SNRK: variants seen among roughly 807,000 people sequenced by gnomAD.
SNRK encodes SNF-related serine/threonine-protein kinase.
In SNRK, 3 loss-of-function variants were observed where a neutral mutation model predicts 48.2. That is an observed-to-expected ratio of 0.06 (90% CI 0.03 to 0.16). SNRK has a LOEUF of 0.16. Among genes scored for constraint, SNRK ranks in the 10% least tolerant of loss-of-function variants. The pLI, the probability that SNRK is intolerant of heterozygous loss-of-function variation, is 1.00. For synonymous variants in SNRK, 376 were observed against 366.1 expected (o/e 1.03, Z -0.31); for missense variants, 627 against 976.0 (o/e 0.64, Z 4.76).
intron 3 of SNRK, among the ~76,000 whole-genome samples, chr3:43,316,703 C>G (rs1559464020): frequency 6.6e-6 from 1 of 151,830 alleles, no homozygotes; most frequent in African/African-American, 2.4e-5. Context: ...GTTTTAGACC[C>G]CTTGGAAATT....
intron 3 of SNRK, among the ~76,000 whole-genome samples, chr3:43,325,256 C>G (rs2091086997): frequency 6.6e-6 from 1 of 152,190 alleles, no homozygotes; most frequent in African/African-American, 2.4e-5. Flanking sequence ...AGCTCTGCCT[C>G]CCGGGTTCAC....
At chr3:43,302,214 C>T (rs1448011793) in intron 2 of SNRK, among the ~76,000 whole-genome samples, 1 of 152,130 alleles carries the variant, frequency 6.6e-6, no homozygotes, top group African/African-American at 2.4e-5. Context: ...ATACCTAGAA[C>T]CCCCTCAAAA....
intron 3 of SNRK, among the ~76,000 whole-genome samples, chr3:43,305,239 A>G (rs2090928440): frequency 6.6e-6 from 1 of 152,160 alleles, no homozygotes; most frequent in Admixed American, 6.5e-5. Flanking sequence ...ACATCTGATA[A>G]CCTAGCAGTT....
chr3:43,332,045 A>G, intron 3 of SNRK, 124 bp from the exon 4 acceptor site: 2 of 669,002 alleles, frequency 3.0e-6, no homozygotes, highest in South Asian at 4.4e-5. Context: ...TCCTTCATGG[A>G]TGTTTGTACT....
At chr3:43,299,169 CTGT>C (rs2090879787) in intron 1 of SNRK, among the ~76,000 whole-genome samples, 1 of 151,980 alleles carries the variant, frequency 6.6e-6, no homozygotes, top group Admixed American at 6.6e-5. Flanking sequence ...GGCAATTGTA[CTGT>C]TGTTCATTAT....
At chr3:43,331,875 TG>T (rs1322737076) in intron 3 of SNRK, among the ~76,000 whole-genome samples, 1 of 152,232 alleles carries the variant, frequency 6.6e-6, no homozygotes. Flanking sequence ...TCTGTTGGCT[TG>T]GGCACCTGGA....
intron 4 of SNRK, among the ~76,000 whole-genome samples, chr3:43,339,544 G>A (rs1037306923): frequency 1.1e-4 from 16 of 151,818 alleles, no homozygotes; most frequent in Non-Finnish European, 1.6e-4. Context: ...TGGGCCGGGC[G>A]CGGTGGCTCA....
intron 3 of SNRK, among the ~76,000 whole-genome samples, chr3:43,308,693 A>G (rs2090956374): frequency 6.6e-6 from 1 of 152,228 alleles, no homozygotes; most frequent in African/African-American, 2.4e-5. Flanking sequence ...TGGTCACCCA[A>G]GAGCTCTGAT....
At chr3:43,338,342 T>G (rs908517290) in intron 4 of SNRK, among the ~76,000 whole-genome samples, 2 of 152,234 alleles carry the variant, frequency 1.3e-5, no homozygotes, top group East Asian at 3.8e-4. Flanking sequence ...AAAAGATGGT[T>G]TCATTGAGTA....
chr3:43,340,651 A>T (rs961381277), intron 5 of SNRK, 152 bp downstream of exon 5: 3 of 689,824 alleles, frequency 4.3e-6, no homozygotes, highest in Non-Finnish European at 7.2e-6. Context: ...TTCTTGGCCC[A>T]GGGCCTGACA....
At chr3:43,340,140 T>A in intron 4 of SNRK, 147 bp from the exon 5 acceptor site, 1 of 675,110 alleles carries the variant, frequency 1.5e-6, no homozygotes. Context: ...GCACTAAATT[T>A]TTATTATTCC....
rs766666652 is a variant in SNRK at position 43,303,788 on chromosome 3, A to C, written c.585A>C (p.Ala195=). ...TTGGTGATGAGTATGATGCACCTGC[A>C]GTAGGTAGGTAACCTCGGTCCAGTA... The part of the protein sequence containing the change: ...ILLGDEYDAP[A]VDIWSLGVIL... The change falls in exon 3 of 7, where the codon GCA becomes GCC. Residue 195 remains alanine (A), a synonymous_variant. Coordinates refer to ENST00000296088, the MANE Select transcript of SNRK (RefSeq NM_017719.5). The surrounding 1 kb of genome is among the most constrained non-coding windows in gnomAD (Gnocchi z 6.2). 6.2e-7 allele frequency: 1 copy of C among 1,606,546 alleles called. No individual in the cohort carries two copies. Among genetic ancestry groups the C allele is most frequent in the South Asian group, 1.1e-5 (1 of 90,820 alleles).
chr3:43,326,679 C>A (rs2091099087), intron 3 of SNRK, among the ~76,000 whole-genome samples: 2 of 152,040 alleles, frequency 1.3e-5, no homozygotes, highest in South Asian at 4.1e-4. Context: ...AGTCAGAGGA[C>A]CCTCAGAGTA....
chr3:43,320,930 G>GT (rs11327863), intron 3 of SNRK, among the ~76,000 whole-genome samples: 13 of 133,536 alleles, frequency 9.7e-5, no homozygotes, highest in African/African-American at 2.8e-4. Flanking sequence ...TTTTTTCAAG[G>GT]TTTTTTTTTT....
intron 3 of SNRK, among the ~76,000 whole-genome samples, chr3:43,324,821 C>A (rs2091082852): frequency 6.6e-6 from 1 of 152,144 alleles, no homozygotes; most frequent in Non-Finnish European, 1.5e-5. Flanking sequence ...ACAAACATTT[C>A]AAGAGCTAAT....
intron 5 of SNRK, 51 bp downstream of exon 5, chr3:43,340,550 A>G (rs2091227325): frequency 6.6e-7 from 1 of 1,513,590 alleles, no homozygotes. Flanking sequence ...GATTCTTGGA[A>G]TGGGCTCTCT....
intron 1 of SNRK, among the ~76,000 whole-genome samples, chr3:43,289,288 AG>A (rs1050799578): frequency 2.6e-5 from 4 of 152,160 alleles, no homozygotes; most frequent in African/African-American, 9.7e-5. Flanking sequence ...CAGGGGGTTC[AG>A]GGAGGGTGAG....
chr3:43,330,418 ATAAT>A (rs1291740080), intron 3 of SNRK, among the ~76,000 whole-genome samples: 1 of 152,260 alleles, frequency 6.6e-6, no homozygotes, highest in Non-Finnish European at 1.5e-5. Flanking sequence ...TAAAGGGAGA[ATAAT>A]TGTAATTGCC....
At chr3:43,305,566 T>C (rs1048164734) in intron 3 of SNRK, among the ~76,000 whole-genome samples, 45 of 150,294 alleles carry the variant, frequency 3.0e-4, no homozygotes, top group Non-Finnish European at 8.9e-5. Flanking sequence ...CTCTGCAAGC[T>C]CTGCCTCCTG....
Sources: allele counts gnomAD v4.1 joint callset (sites outside exome capture counted in the v4.1 genomes callset), GRCh38; gene constraint gnomAD v4.1.1; non-coding constraint Gnocchi (gnomAD v3.1); transcripts MANE v1.5; gene names NCBI Gene and HGNC (gene_info 2026-07-23, HGNC 2026-07-21).